CACNG5: variants seen among roughly 807,000 people sequenced by gnomAD.
The protein encoded by CACNG5 is voltage-dependent calcium channel gamma-5 subunit.
CACNG5 carries 18 observed loss-of-function variants against 24.8 expected under a neutral mutation model. The ratio of observed to expected loss-of-function variants is 0.73; its 90% CI spans 0.50 to 1.08. The LOEUF (loss-of-function observed/expected upper bound fraction) is 1.08. Among genes scored for constraint, CACNG5 ranks in the 50% least tolerant of loss-of-function variants. The probability of loss-of-function intolerance (pLI) is 0.00; values close to 1 mark genes in which losing one functional copy is unlikely to be tolerated. For missense variants in CACNG5, 349 were observed against 367.9 expected (o/e 0.95, Z 0.42); for synonymous variants, 157 against 149.1 (o/e 1.05, Z -0.39).
chr17:66,892,112 C>A lies in CACNG5; in HGVS notation c.*6872C>A, dbSNP rs931278679. The stretch of plus-strand genomic sequence containing the variant: ...GAGTGGTGGCATCCCAAACAAAATG[C>A]AAGAAAAGGAGGGAGAATGGTGCTG... On this transcript the variant is annotated 3_prime_UTR_variant, in exon 6 of 6. Coordinates refer to ENST00000533854, the MANE Select transcript of CACNG5 (RefSeq NM_145811.3). 2.6e-5 allele frequency among the ~76,000 whole-genome samples: 4 copies of A among 152,204 alleles called. No individual in the cohort carries two copies. The highest frequency in any genetic ancestry group is 2.1e-4 in the South Asian group (1 of 4,832).
chr17:66,880,441 A>G (rs1977140680), intron 3 of CACNG5, 116 bp from the exon 4 acceptor site: 1 of 1,281,966 alleles, frequency 7.8e-7, no homozygotes. Context: ...GAACCCCTGC[A>G]GGGGTGGGGC....
intron 1 of CACNG5, among the ~76,000 whole-genome samples, chr17:66,868,912 C>T (rs1976965833): frequency 6.6e-6 from 1 of 152,034 alleles, no homozygotes; most frequent in Non-Finnish European, 1.5e-5. Context: ...CTGAAATTTG[C>T]CAGGGATGGA....
intron 1 of CACNG5, among the ~76,000 whole-genome samples, chr17:66,851,556 A>G (rs1420073614): frequency 6.6e-6 from 1 of 152,260 alleles, no homozygotes; most frequent in Non-Finnish European, 1.5e-5. Flanking sequence ...GTTTAAAACA[A>G]CAAGGAGGAG....
intron 1 of CACNG5, among the ~76,000 whole-genome samples, chr17:66,857,576 A>G (rs531250082): frequency 6.6e-6 from 1 of 152,300 alleles, no homozygotes; most frequent in East Asian, 1.9e-4. Context: ...TTCATACTAC[A>G]TCTTAGAAAT....
intron 1 of CACNG5, among the ~76,000 whole-genome samples, chr17:66,846,612 A>G (rs1449516942): frequency 6.6e-6 from 1 of 152,152 alleles, no homozygotes; most frequent in Non-Finnish European, 1.5e-5. Context: ...TGGATGTACC[A>G]CAGTGTGTCC....
chr17:66,871,905 C>T (rs1005426721), intron 1 of CACNG5, among the ~76,000 whole-genome samples: 1 of 152,158 alleles, frequency 6.6e-6, no homozygotes, highest in Admixed American at 6.5e-5. Context: ...AGGCTGCCTG[C>T]TTCTGGAACC....
chr17:66,877,115 G>A, intron 1 of CACNG5, 115 bp from the exon 2 acceptor site: 1 of 521,810 alleles, frequency 1.9e-6, no homozygotes, highest in African/African-American at 1.9e-5. Context: ...GGGGAGGGTG[G>A]CACCTCTGTT....
At chr17:66,863,524 G>A (rs544448862) in intron 1 of CACNG5, among the ~76,000 whole-genome samples, 147 of 151,886 alleles carry the variant, frequency 9.7e-4, no homozygotes, top group Non-Finnish European at 1.6e-3. Flanking sequence ...GCACCACCAC[G>A]CCCAGCTAAT....
rs1977315640 is a variant in CACNG5 at position 66,889,767 on chromosome 17, G to A, written c.*4527G>A. ...TTGAGGCCCACCGACGTTAGAAAAG[G>A]TAATTGCTTTACTCAGTGTCCACTG... On this transcript the variant is annotated 3_prime_UTR_variant, in exon 6 of 6. Transcript: ENST00000533854. 6.6e-6 allele frequency among the ~76,000 whole-genome samples: 1 copy of A among 152,196 alleles called. No homozygotes were observed. Among genetic ancestry groups the A allele is most frequent in the African/African-American group, 2.4e-5 (1 of 41,454 alleles).
At chr17:66,838,124 T>C (rs1200527121) in intron 1 of CACNG5, among the ~76,000 whole-genome samples, 3 of 152,012 alleles carry the variant, frequency 2.0e-5, no homozygotes, top group African/African-American at 7.2e-5. Flanking sequence ...GAGTCTGGCC[T>C]GGTCACGCTG....
intron 4 of CACNG5, 34 bp downstream of exon 4, chr17:66,880,731 G>T (rs1159681623): frequency 3.7e-6 from 6 of 1,604,144 alleles, no homozygotes; most frequent in Non-Finnish European, 4.3e-6. Flanking sequence ...TTGCACCCTG[G>T]AATTTTTTGT....
rs538664702 is a variant in CACNG5 at position 66,894,677 on chromosome 17, T to C, written c.*9437T>C. Among the ~76,000 whole-genome samples the C allele has an allele frequency of 1.4e-4, 22 of 152,278 alleles. No homozygotes were observed. Among genetic ancestry groups the C allele is most frequent in the African/African-American group, 5.1e-4 (21 of 41,546 alleles). ...GATGTGTTTAATATATATATTTTTG[T>C]TTCTATGTGCTCCTTAAATGTATAT... On this transcript the variant is annotated 3_prime_UTR_variant, in exon 6 of 6. Coordinates refer to ENST00000533854, the MANE Select transcript of CACNG5 (RefSeq NM_145811.3).
At chr17:66,854,133 T>C (rs1976740463) in intron 1 of CACNG5, among the ~76,000 whole-genome samples, 1 of 152,088 alleles carries the variant, frequency 6.6e-6, no homozygotes, top group Admixed American at 6.6e-5. Flanking sequence ...AAAGTTAGCA[T>C]TAAAAAAGTG....
At position 66,888,837 on chromosome 17, in the gene CACNG5, T is replaced by A. The variant is rs1163767607; in HGVS notation, c.*3597T>A. On this transcript the variant is annotated 3_prime_UTR_variant, in exon 6 of 6. Transcript: ENST00000533854. ...AGGGAAGGTTATCTCGGGGCTGGCA[T>A]GTCTCTGGTTGGGGAAGAGTTTGGA... Among the ~76,000 whole-genome samples the A allele has an allele frequency of 2.0e-5, 3 of 152,150 alleles. No individual in the cohort carries two copies. The highest frequency in any genetic ancestry group is 4.4e-5 in the Non-Finnish European group (3 of 68,030).
chr17:66,862,353 C>T (rs371085741), intron 1 of CACNG5, among the ~76,000 whole-genome samples: 15 of 95,072 alleles, frequency 1.6e-4, no homozygotes, highest in South Asian at 7.4e-4. Flanking sequence ...GCTATGAATC[C>T]AATCCAGCTT....
intron 2 of CACNG5, 62 bp from the exon 3 acceptor site, chr17:66,878,910 T>A (rs1977120556): frequency 7.4e-7 from 1 of 1,349,550 alleles, no homozygotes. Context: ...ATACCATTTG[T>A]ATGGACCAAC....
intron 1 of CACNG5, among the ~76,000 whole-genome samples, chr17:66,866,297 C>T (rs932948593): frequency 2.0e-5 from 3 of 151,988 alleles, no homozygotes; most frequent in Non-Finnish European, 4.4e-5. Flanking sequence ...TTTTTTTTGG[C>T]AGGATCTTGC....
At chr17:66,873,554 C>T (rs1177202160) in intron 1 of CACNG5, among the ~76,000 whole-genome samples, 1 of 152,192 alleles carries the variant, frequency 6.6e-6, no homozygotes, top group East Asian at 1.9e-4. Context: ...TGCTCAGCTT[C>T]GACCAGGCAA....
At chr17:66,844,250 A>G (rs1049508970) in intron 1 of CACNG5, among the ~76,000 whole-genome samples, 1 of 152,222 alleles carries the variant, frequency 6.6e-6, no homozygotes, top group Admixed American at 6.5e-5. Context: ...TGCTGTAAGC[A>G]TTAGCTTGGG....
Sources: allele counts gnomAD v4.1 joint callset (sites outside exome capture counted in the v4.1 genomes callset), GRCh38; gene constraint gnomAD v4.1.1; transcripts MANE v1.5; gene names NCBI Gene and HGNC (gene_info 2026-07-23, HGNC 2026-07-21).